Variants in ERICH1 observed in about 807,000 individuals in gnomAD.
The protein encoded by ERICH1 is glutamate-rich protein 1.
A neutral mutation model predicts 39.6 loss-of-function variants in ERICH1; 56 were observed. That is an observed-to-expected ratio of 1.41 (90% CI 1.14 to 1.77). ERICH1 has a LOEUF of 1.77. Among genes scored for constraint, ERICH1 ranks in the 40% most tolerant of loss-of-function variants. The pLI is 0.00. For missense variants in ERICH1, 826 were observed against 575.4 expected (o/e 1.44, Z -4.45); for synonymous variants, 313 against 223.6 (o/e 1.40, Z -3.57).
At chr8:616,543 C>T (rs1000035119) in intron 3 of ERICH1, 16 of 455,974 alleles carry the variant, frequency 3.5e-5, no homozygotes, top group African/African-American at 1.8e-4. Flanking sequence ...ACAACACGCA[C>T]ATCTGGGAAC....
intron 1 of ERICH1, among the ~76,000 whole-genome samples, chr8:730,915 C>G (rs920110375): frequency 2.6e-5 from 4 of 152,110 alleles, no homozygotes; most frequent in Non-Finnish European, 5.9e-5. Flanking sequence ...CCTGGCAGGG[C>G]CGGCCCGACC....
In ERICH1 at chr8:726,305, C is replaced by T. The variant is rs149756870; in HGVS notation, c.22+4835G>A. 8.7e-3 allele frequency among the ~76,000 whole-genome samples: 1,321 copies of T among 152,140 alleles called. 16 individuals carry two copies. The highest frequency in any genetic ancestry group is 0.03 in the African/African-American group (1,260 of 41,476). On this transcript the variant is annotated intron_variant, in intron 1 of 5. Coordinates refer to ENST00000262109, the MANE Select transcript of ERICH1 (RefSeq NM_207332.3). ...ACACACACAGACACGCATGTACAAA[C>T]ACGCCACACGCAGACACGTGTATGC... is the stretch of plus-strand genomic sequence containing the variant.
chr8:632,334 A>AAT (rs72190904), intron 3 of ERICH1, among the ~76,000 whole-genome samples: 2,339 of 152,216 alleles, frequency 0.015, 28 homozygotes, highest in Middle Eastern at 0.027. Flanking sequence ...AGTAAAAAAA[A>AAT]AATAATAATG....
chr8:715,966 G>T lies in ERICH1; in HGVS notation c.64C>A (p.Pro22Thr). 6.2e-7 allele frequency: 1 copy of T among 1,613,428 alleles called. No homozygotes were observed. The highest frequency in any genetic ancestry group is 1.7e-5 in the Admixed American group (1 of 59,834). ...GGTTCCCTCTTTCCTTGGCCACTTG[G>T]AACAGGAGGAAAAAGTCTCTGCAGC... Reference protein sequence around the residue: ...KVLQRLFPPVPSGQGKREPQT... With the variant: ...KVLQRLFPPVTSGQGKREPQT... Residue 22 changes from proline to threonine, a missense_variant, in exon 2 of 6, where the codon CCA (proline) becomes ACA (threonine). Coordinates refer to ENST00000262109, the MANE Select transcript of ERICH1 (RefSeq NM_207332.3).
intron 3 of ERICH1, among the ~76,000 whole-genome samples, chr8:650,276 A>C (rs1416777323): frequency 1.3e-5 from 2 of 151,658 alleles, no homozygotes; most frequent in Non-Finnish European, 2.9e-5. Flanking sequence ...CCGGGGTCTG[A>C]CTCCGTGGCC....
At chr8:721,276 T>A (rs1405990090) in intron 1 of ERICH1, among the ~76,000 whole-genome samples, 1 of 152,262 alleles carries the variant, frequency 6.6e-6, no homozygotes, top group Non-Finnish European at 1.5e-5. Flanking sequence ...AATTTTAACT[T>A]TTTAAAATCA....
chr8:616,459 G>T, intron 3 of ERICH1: 1 of 452,598 alleles, frequency 2.2e-6, no homozygotes, highest in Non-Finnish European at 4.4e-6. Context: ...AGCGGATTCA[G>T]CGCTGGCCAA....
At chr8:639,962 A>G (rs940938928) in intron 3 of ERICH1, among the ~76,000 whole-genome samples, 3 of 152,282 alleles carry the variant, frequency 2.0e-5, no homozygotes, top group East Asian at 1.9e-4. Flanking sequence ...TTCTCAAGAG[A>G]CAAAGAAGAA....
At chr8:677,304 C>T (rs111290458) in intron 3 of ERICH1, among the ~76,000 whole-genome samples, 5 of 152,212 alleles carry the variant, frequency 3.3e-5, no homozygotes, top group African/African-American at 7.2e-5. Flanking sequence ...AACTGAACGC[C>T]GCTGTGGAAC....
intron 1 of ERICH1, among the ~76,000 whole-genome samples, chr8:718,510 G>C (rs1391741882): frequency 6.6e-6 from 1 of 152,140 alleles, no homozygotes; most frequent in East Asian, 1.9e-4. Context: ...TCTGATATAG[G>C]TGTACAGTAC....
intron 2 of ERICH1, among the ~76,000 whole-genome samples, chr8:699,357 CCTT>C (rs1385158860): frequency 1.3e-5 from 2 of 152,188 alleles, no homozygotes; most frequent in African/African-American, 4.8e-5. Flanking sequence ...GTCCCAGCGG[CCTT>C]CTTCTCTCCT....
At chr8:662,485 C>T (rs1048484348), downstream of ERICH1, among the ~76,000 whole-genome samples, 1 of 151,882 alleles carries the variant, frequency 6.6e-6, no homozygotes, top group South Asian at 2.1e-4. Flanking sequence ...CCTTTCTCTA[C>T]TAAAAATACA....
At chr8:653,305 G>C (rs1038456143) in intron 3 of ERICH1, among the ~76,000 whole-genome samples, 2 of 152,232 alleles carry the variant, frequency 1.3e-5, no homozygotes, top group Non-Finnish European at 2.9e-5. Flanking sequence ...CCTTGTGGAC[G>C]AACTATAACC....
At chr8:662,469 A>AG (rs11388031), downstream of ERICH1, among the ~76,000 whole-genome samples, 54,689 of 151,808 alleles carry the variant, frequency 0.36, 13,294 homozygotes, top group East Asian at 0.84. Context: ...ACCAACATGG[A>AG]GAAACCCTTT....
chr8:625,234 T>C (rs1000259058), intron 3 of ERICH1, among the ~76,000 whole-genome samples: 1 of 152,154 alleles, frequency 6.6e-6, no homozygotes, highest in East Asian at 1.9e-4. Flanking sequence ...CCCAAATGCT[T>C]CCTATCCGAT....
chr8:727,557 A>G (rs1819066875), intron 1 of ERICH1, among the ~76,000 whole-genome samples: 1 of 152,234 alleles, frequency 6.6e-6, no homozygotes. Flanking sequence ...TGCACCTGCA[A>G]GGGCGAGTGA....
chr8:670,404 A>C (rs1803032431), intron 4 of ERICH1, among the ~76,000 whole-genome samples: 2 of 152,076 alleles, frequency 1.3e-5, no homozygotes, highest in African/African-American at 4.8e-5. Context: ...CTGAACGCAT[A>C]GGAAAGACTG....
chr8:654,927 T>C (rs532597149), intron 3 of ERICH1, among the ~76,000 whole-genome samples: 279 of 152,356 alleles, frequency 1.8e-3, no homozygotes, highest in Non-Finnish European at 3.2e-3. Flanking sequence ...ACAATGGCTT[T>C]GCTTGCGGTG....
At chr8:658,967 C>T (rs1801035554) in intron 3 of ERICH1, among the ~76,000 whole-genome samples, 1 of 152,164 alleles carries the variant, frequency 6.6e-6, no homozygotes, top group Non-Finnish European at 1.5e-5. Context: ...TCCATCATCT[C>T]ATCTTGGTAG....
Sources: allele counts gnomAD v4.1 joint callset (sites outside exome capture counted in the v4.1 genomes callset), GRCh38; gene constraint gnomAD v4.1.1; transcripts MANE v1.5; gene names NCBI Gene and HGNC (gene_info 2026-07-23, HGNC 2026-07-21).